The following ARNT2 variants were observed in gnomAD, a reference collection of about 807,000 sequenced individuals.
ARNT2 encodes aryl hydrocarbon receptor nuclear translocator 2.
ARNT2 carries 36 observed loss-of-function variants against 91.7 expected under a neutral mutation model. The observed-to-expected ratio is 0.39, with a 90% CI of 0.30 to 0.52. The LOEUF (loss-of-function observed/expected upper bound fraction) is 0.52, where lower values mean the gene tolerates loss of function less well. Among genes scored for constraint, ARNT2 ranks in the 20% least tolerant of loss-of-function variants. ARNT2 has a pLI of 0.72. For synonymous variants in ARNT2, 365 were observed against 347.1 expected, an observed-to-expected ratio of 1.05 and a Z score of -0.57; for missense variants, 775 against 939.3, an observed-to-expected ratio of 0.83 and a Z score of 2.29.
chr15:80,472,595 G>T (rs1017420093), intron 4 of ARNT2, among the ~76,000 whole-genome samples: 2 of 152,158 alleles, frequency 1.3e-5, no homozygotes, highest in African/African-American at 2.4e-5. Context: ...GGGAGCCCTC[G>T]CTTGGCAGAT....
chr15:80,407,082 C>T (rs1414273776), intron 1 of ARNT2, among the ~76,000 whole-genome samples: 4 of 152,164 alleles, frequency 2.6e-5, no homozygotes, highest in African/African-American at 4.8e-5. Flanking sequence ...CCTTTTTCTT[C>T]CTGCCTCCTT....
At chr15:80,581,070 C>A in intron 16 of ARNT2, 169 bp from the exon 17 acceptor site, 1 of 768,290 alleles carries the variant, frequency 1.3e-6, no homozygotes, top group Non-Finnish European at 2.1e-6. Flanking sequence ...TTCCTGGGCC[C>A]TCACACACCG....
intron 8 of ARNT2, among the ~76,000 whole-genome samples, chr15:80,517,602 A>G (rs1897460023): frequency 6.8e-6 from 1 of 147,094 alleles, no homozygotes; most frequent in Non-Finnish European, 1.5e-5. Context: ...ATCTTTTGAA[A>G]TTGTACCACA....
At chr15:80,530,257 A>G (rs917529518) in intron 8 of ARNT2, among the ~76,000 whole-genome samples, 1 of 152,192 alleles carries the variant, frequency 6.6e-6, no homozygotes, top group Non-Finnish European at 1.5e-5. Context: ...TCAGCTGACC[A>G]AGGTTCACTT....
intron 11 of ARNT2, among the ~76,000 whole-genome samples, chr15:80,561,913 T>G (rs1314400532): frequency 1.3e-5 from 2 of 152,354 alleles, no homozygotes; most frequent in East Asian, 3.9e-4. Flanking sequence ...AATCTCTTAC[T>G]GTTTCTAATT....
rs568036731 is a variant in ARNT2 at position 80,520,593 on chromosome 15, C to T, written c.877+6188C>T. Among the ~76,000 whole-genome samples the T allele has an allele frequency of 3.3e-5, 5 of 151,524 alleles. No individual in the cohort carries two copies. The East Asian group carries it at 9.7e-4, about 29-fold the overall frequency. On this transcript the variant is annotated intron_variant, in intron 8 of 18. Coordinates refer to ENST00000303329, the MANE Select transcript of ARNT2 (RefSeq NM_014862.4). ...TAAATAAATAAAAATAAAAAAATAC[C>T]AACAGACATACAAAAGGAAACTTTT...
chr15:80,557,777 C>G (rs1347468578), intron 11 of ARNT2, among the ~76,000 whole-genome samples: 1 of 152,152 alleles, frequency 6.6e-6, no homozygotes, highest in Non-Finnish European at 1.5e-5. Context: ...TTCCTACCCC[C>G]CTGAACCAGA....
chr15:80,408,180 C>A (rs559849277), intron 1 of ARNT2, among the ~76,000 whole-genome samples: 62 of 152,224 alleles, frequency 4.1e-4, no homozygotes, highest in African/African-American at 1.4e-3. Context: ...GATGGAGGGA[C>A]ATTTGAATCA....
At chr15:80,588,796 A>G (rs1567009698) in intron 17 of ARNT2, among the ~76,000 whole-genome samples, 1 of 152,144 alleles carries the variant, frequency 6.6e-6, no homozygotes, top group Admixed American at 6.5e-5. Context: ...TGTCATGGCT[A>G]GTTAGGTATC....
At position 80,421,419 on chromosome 15, in the gene ARNT2, AGGAGGGAG is replaced by A. The variant is rs71153536; in HGVS notation, c.31+16889_31+16896del. On this transcript the variant is annotated intron_variant, in intron 1 of 18. Coordinates refer to ENST00000303329, the MANE Select transcript of ARNT2 (RefSeq NM_014862.4). ...AATAGAAAGAAAAGAAAGGAAGGAAAGGAGGGAGGGAGGGAGGGAGGGAAAGAAAGAAG... is the reference window on the plus strand; with the variant it reads ...AATAGAAAGAAAAGAAAGGAAGGAAAGGAGGGAGGGAGGGAAAGAAAGAAG... 4.8e-5 allele frequency among the ~76,000 whole-genome samples: 6 copies of A among 124,522 alleles called. No homozygotes were observed. The South Asian group carries it at 9.1e-4, about 19-fold the overall frequency. The allele number at this position is 124,522 out of a possible 152,430, so 81.7% of individuals were successfully genotyped here. A position where few individuals can be genotyped will look rare whatever the true frequency, so the allele number is the denominator to read the frequency against.
At chr15:80,590,184 A>G (rs1046950649) in intron 17 of ARNT2, among the ~76,000 whole-genome samples, 16 of 152,158 alleles carry the variant, frequency 1.1e-4, no homozygotes, top group African/African-American at 3.9e-4. Flanking sequence ...CGTGGCCAGC[A>G]TGATCGTTGG....
intron 5 of ARNT2, among the ~76,000 whole-genome samples, chr15:80,500,579 A>C (rs1330172337): frequency 6.6e-6 from 1 of 152,198 alleles, no homozygotes; most frequent in Non-Finnish European, 1.5e-5. Context: ...CTTCTTTTTA[A>C]AAAGTTACTA....
At chr15:80,453,934 AC>A (rs1375062627) in intron 2 of ARNT2, among the ~76,000 whole-genome samples, 2 of 151,754 alleles carry the variant, frequency 1.3e-5, no homozygotes, top group Non-Finnish European at 2.9e-5. Flanking sequence ...TTCCAGGATA[AC>A]CCCCCTTCCC....
chr15:80,536,320 G>A (rs1186174379), intron 8 of ARNT2, among the ~76,000 whole-genome samples: 3 of 152,200 alleles, frequency 2.0e-5, no homozygotes, highest in Admixed American at 6.5e-5. Context: ...CTGAAGATTG[G>A]TTGGACCAGG....
intron 3 of ARNT2, among the ~76,000 whole-genome samples, chr15:80,458,954 A>G (rs1467889575): frequency 6.6e-6 from 1 of 152,102 alleles, no homozygotes; most frequent in Non-Finnish European, 1.5e-5. Context: ...CCACATGCAT[A>G]TTGAGTTCTG....
At chr15:80,451,835 GC>G (rs1896398714) in intron 2 of ARNT2, among the ~76,000 whole-genome samples, 2 of 152,154 alleles carry the variant, frequency 1.3e-5, no homozygotes, top group African/African-American at 2.4e-5. Flanking sequence ...ATATCACCTA[GC>G]CCCTTTCTCC....
At chr15:80,534,543 TA>T (rs558848673) in intron 8 of ARNT2, among the ~76,000 whole-genome samples, 61 of 152,368 alleles carry the variant, frequency 4.0e-4, no homozygotes, top group Non-Finnish European at 7.9e-4. Flanking sequence ...CTTTTGTATT[TA>T]AAAAATGGAG....
rs62006458 is a variant in ARNT2, at chr15:80,594,728, G to C, written c.*1030G>C. 1,458 of 152,672 alleles carry C rather than the reference G, an allele frequency of 9.5e-3. 12 individuals are homozygous for C. The highest frequency in any genetic ancestry group is 0.016 in the Non-Finnish European group (1,123 of 68,298). 9.5% of individuals were successfully genotyped at this position (152,672 alleles called of 1,614,324 possible). A position where few individuals can be genotyped will look rare whatever the true frequency, so the allele number is the denominator to read the frequency against. On this transcript the variant is annotated 3_prime_UTR_variant, in exon 19 of 19. Transcript: ENST00000303329. ...ACCTTGTGCCTGCCCAGAGCCTGCA[G>C]GACAGCACGCCTTGAGGTCAGAGGC...
At chr15:80,436,338 T>C (rs928677844) in intron 1 of ARNT2, 1 of 154,414 alleles carries the variant, frequency 6.5e-6, no homozygotes. Flanking sequence ...GGTGATTCCA[T>C]ACGACAAATG....
Sources: allele counts gnomAD v4.1 joint callset (sites outside exome capture counted in the v4.1 genomes callset), GRCh38; gene constraint gnomAD v4.1.1; transcripts MANE v1.5; gene names NCBI Gene and HGNC (gene_info 2026-07-23, HGNC 2026-07-21).